C12orf54: variants seen among roughly 807,000 people sequenced by gnomAD.
The protein encoded by C12orf54 is chromosome 12 open reading frame 54.
C12orf54 carries 24 observed loss-of-function variants against 26.4 expected under a neutral mutation model. The observed-to-expected ratio is 0.91, with a 90% CI of 0.66 to 1.28. C12orf54 has a LOEUF of 1.28. Ranked by LOEUF, C12orf54 falls within the 50% of genes most tolerant of loss-of-function variation. C12orf54 has a pLI of 0.00. For synonymous variants in C12orf54, 54 were observed against 47.0 expected, an observed-to-expected ratio of 1.15 and a Z score of -0.61; for missense variants, 154 against 150.9, an observed-to-expected ratio of 1.02 and a Z score of -0.11.
At chr12:48,466,273 G>T in the C12orf54 span, among the ~76,000 whole-genome samples, 1 of 152,184 alleles carries the variant, frequency 6.6e-6, no homozygotes, top group Non-Finnish European at 1.5e-5. Flanking sequence ...ACTGGACGTG[G>T]TGGCTCATGC....
In C12orf54 at chr12:48,494,928, C is replaced by T. The variant is rs775393771; in HGVS notation, c.373C>T (p.Pro125Ser). 137 of 1,613,158 alleles carry T rather than the reference C, an allele frequency of 8.5e-5. No individual in the cohort carries two copies. Among genetic ancestry groups the T allele is most frequent in the Non-Finnish European group, 1.1e-4 (135 of 1,179,268 alleles). ...GCTCTTCAGTCAATCAGCTTACTAC[C>T]CTGGACCCTAACTCTACAATCAAGG... ...TQLFSQSAYY[P>S]GP is the part of the protein sequence containing the mutation. The change falls in exon 8 of 9, where the codon CCT (proline) becomes TCT (serine). Residue 125 changes from proline to serine, a missense_variant. Pro to Ser is a moderately conservative substitution (Grantham distance 74). Coordinates refer to ENST00000548364, the MANE Select transcript of C12orf54 (RefSeq NM_152319.4).
the C12orf54 span, among the ~76,000 whole-genome samples, chr12:48,437,099 A>G: frequency 5.9e-5 from 9 of 152,244 alleles, no homozygotes; most frequent in African/African-American, 2.2e-4. Context: ...AATACAAACT[A>G]CCATAAGAGA....
At chr12:48,481,497 A>T (rs1464774555), upstream of C12orf54, among the ~76,000 whole-genome samples, 1 of 152,208 alleles carries the variant, frequency 6.6e-6, no homozygotes, top group Non-Finnish European at 1.5e-5. Context: ...GAGAGGGTCC[A>T]TGGTGGTCTC....
At chr12:48,455,920 A>G in the C12orf54 span, among the ~76,000 whole-genome samples, 11 of 152,210 alleles carry the variant, frequency 7.2e-5, no homozygotes, top group African/African-American at 2.2e-4. Flanking sequence ...GAATTTTCAC[A>G]ATGGTTAAAT....
the C12orf54 span, among the ~76,000 whole-genome samples, chr12:48,452,687 G>A: frequency 3.3e-5 from 5 of 152,018 alleles, no homozygotes; most frequent in South Asian, 2.1e-4. Context: ...TAAAAAGTGG[G>A]CAAAAGACAT....
chr12:48,442,504 G>A, the C12orf54 span: 2,175 of 157,138 alleles, frequency 0.014, 57 homozygotes, highest in African/African-American at 0.049. Flanking sequence ...GAAAAGCCAA[G>A]CCCCATGAGC....
the C12orf54 span, among the ~76,000 whole-genome samples, chr12:48,432,543 G>T: frequency 1.7e-3 from 256 of 152,168 alleles, 1 homozygote; most frequent in African/African-American, 6.0e-3. Flanking sequence ...GGAGGTCCTG[G>T]CTGCTGCATG....
the C12orf54 span, among the ~76,000 whole-genome samples, chr12:48,431,595 G>A: frequency 6.6e-6 from 1 of 152,026 alleles, no homozygotes; most frequent in Non-Finnish European, 1.5e-5. Flanking sequence ...AATTAAATTA[G>A]AAATAAAAAA....
the C12orf54 span, chr12:48,472,754 T>G: frequency 2.9e-5 from 47 of 1,614,022 alleles, no homozygotes; most frequent in African/African-American, 1.5e-4. Flanking sequence ...GTCAGTCAAA[T>G]GAAGGCAAAT....
the C12orf54 span, among the ~76,000 whole-genome samples, chr12:48,453,446 T>C: frequency 6.6e-6 from 1 of 150,650 alleles, no homozygotes; most frequent in Non-Finnish European, 1.5e-5. Context: ...ATGGCAAGTG[T>C]TTACCTATGC....
At chr12:48,474,761 G>C in the C12orf54 span, among the ~76,000 whole-genome samples, 2 of 152,250 alleles carry the variant, frequency 1.3e-5, no homozygotes, top group Non-Finnish European at 2.9e-5. Flanking sequence ...GCACGAACTG[G>C]GTGGAGCCCA....
chr12:48,441,390 G>C, the C12orf54 span, among the ~76,000 whole-genome samples: 1 of 152,130 alleles, frequency 6.6e-6, no homozygotes, highest in East Asian at 1.9e-4. Flanking sequence ...TTGAAGCTGG[G>C]AGGCGGAGGT....
intron 8 of C12orf54, among the ~76,000 whole-genome samples, chr12:48,495,396 G>T (rs1471397835): frequency 6.6e-6 from 1 of 152,114 alleles, no homozygotes; most frequent in Non-Finnish European, 1.5e-5. Context: ...CACTACTTTG[G>T]GGGCTTAATT....
the C12orf54 span, among the ~76,000 whole-genome samples, chr12:48,437,305 T>C: frequency 1.3e-5 from 2 of 152,192 alleles, no homozygotes; most frequent in Non-Finnish European, 1.5e-5. Flanking sequence ...GATTCACAGC[T>C]GAATTCTACC....
chr12:48,476,756 G>C, the C12orf54 span, among the ~76,000 whole-genome samples: 3 of 152,106 alleles, frequency 2.0e-5, no homozygotes, highest in African/African-American at 7.3e-5. Context: ...CAAGTCCTTA[G>C]AGACCTACAA....
At chr12:48,468,782 GC>G in the C12orf54 span, among the ~76,000 whole-genome samples, 4 of 152,120 alleles carry the variant, frequency 2.6e-5, no homozygotes, top group Admixed American at 6.6e-5. Flanking sequence ...GGGGGAACCA[GC>G]CCCCAATATT....
the C12orf54 span, among the ~76,000 whole-genome samples, chr12:48,437,081 C>T: frequency 1.3e-5 from 2 of 152,094 alleles, no homozygotes; most frequent in Non-Finnish European, 2.9e-5. Context: ...CACCACCGAT[C>T]CCACAGAAAT....
intron 4 of C12orf54, 83 bp from the exon 5 acceptor site, chr12:48,488,841 A>C: frequency 8.4e-7 from 1 of 1,195,498 alleles, no homozygotes; most frequent in East Asian, 2.3e-5. Context: ...GAGACTAGGT[A>C]ACTTAATTTT....
the C12orf54 span, among the ~76,000 whole-genome samples, chr12:48,419,487 A>G: frequency 1.3e-5 from 2 of 152,316 alleles, no homozygotes; most frequent in South Asian, 4.1e-4. Context: ...CTTAATTTTA[A>G]TCTTTCAATG....
Sources: allele counts gnomAD v4.1 joint callset (sites outside exome capture counted in the v4.1 genomes callset), GRCh38; gene constraint gnomAD v4.1.1; transcripts MANE v1.5; gene names NCBI Gene and HGNC (gene_info 2026-07-23, HGNC 2026-07-21).